The following MZT1 variants were observed in gnomAD, a reference collection of about 807,000 sequenced individuals.
MZT1 encodes the protein mitotic-spindle organizing protein 1.
Under a neutral mutation model 8.5 loss-of-function variants are expected in MZT1, and 8 were observed. The observed-to-expected ratio is 0.94, with a 90% CI of 0.55 to 1.70. MZT1 has a LOEUF of 1.70. Among genes scored for constraint, MZT1 ranks in the 40% most tolerant of loss-of-function variants. The pLI, the probability that MZT1 is intolerant of heterozygous loss-of-function variation, is 0.00. For missense variants in MZT1, 93 were observed against 108.6 expected (o/e 0.86, Z 0.64); for synonymous variants, 38 against 42.0 (o/e 0.90, Z 0.37).
At chr13:72,727,054 A>G (rs2138025929) in intron 1 of MZT1, among the ~76,000 whole-genome samples, 1 of 152,388 alleles carries the variant, frequency 6.6e-6, no homozygotes, top group Non-Finnish European at 1.5e-5. Flanking sequence ...TGCGAAGAAC[A>G]GGAGGCATAG....
rs534153420 is a variant in MZT1, at chr13:72,727,426, C to T, written c.79+98G>A. The stretch of plus-strand genomic sequence containing the variant: ...AGATCTTGGAAGATGCCGTTTGGGG[C>T]ACTAAGGGGACCTGAAGTCCTCCCC... On this transcript the variant is annotated intron_variant, in intron 1 of 2. Transcript: ENST00000377818. The T allele has an allele frequency of 4.2e-6, 5 of 1,181,220 alleles. No homozygotes were observed. In the East Asian group the frequency reaches 9.3e-5, roughly 22 times the overall value. 73.2% of individuals were successfully genotyped at this position (1,181,220 alleles called of 1,614,324 possible). A position where few individuals can be genotyped will look rare whatever the true frequency, so the allele number is the denominator to read the frequency against.
intron 2 of MZT1, among the ~76,000 whole-genome samples, chr13:72,712,472 T>C (rs1316976903): frequency 3.9e-5 from 6 of 152,356 alleles, no homozygotes; most frequent in Admixed American, 3.3e-4. Context: ...CTAGTTTTAA[T>C]GTGATGCTAG....
Position 72,709,112 on chromosome 13 carries a change from T to A in MZT1, c.*1210A>T, listed in dbSNP as rs1280857591. On this transcript the variant is annotated 3_prime_UTR_variant, in exon 3 of 3. Transcript: ENST00000377818. ...TAATCTTCACTTTGATGAGTTAAAA[T>A]TTTAAAGGCAAGAATAATGACAAAC... 6.6e-6 allele frequency: 1 copy of A among 152,068 alleles called. No homozygotes were observed. The highest frequency in any genetic ancestry group is 1.9e-4 in the East Asian group (1 of 5,194). The allele number at this position is 152,068 out of a possible 1,614,324, so 9.4% of individuals were successfully genotyped here.
intron 1 of MZT1, among the ~76,000 whole-genome samples, chr13:72,723,370 ACTC>A (rs2032608392): frequency 1.3e-5 from 2 of 152,174 alleles, no homozygotes; most frequent in African/African-American, 4.8e-5. Context: ...CAGGTTGAAC[ACTC>A]CTAATTCCAA....
chr13:72,726,346 G>A (rs1440643846), intron 1 of MZT1, among the ~76,000 whole-genome samples: 1 of 152,084 alleles, frequency 6.6e-6, no homozygotes, highest in Admixed American at 6.5e-5. Flanking sequence ...CAGGAGAATC[G>A]CCTGAACCCG....
chr13:72,714,660 C>T (rs1273315768), intron 2 of MZT1, among the ~76,000 whole-genome samples: 1 of 152,228 alleles, frequency 6.6e-6, no homozygotes. Context: ...TGCATCCCAG[C>T]CACTCTGGCT....
chr13:72,724,752 A>ATATATATATATG (rs1180726488), intron 1 of MZT1, among the ~76,000 whole-genome samples: 1 of 56,856 alleles, frequency 1.8e-5, no homozygotes, highest in Admixed American at 2.6e-4. Flanking sequence ...ACATATATAT[A>ATATATATATATG]TGTAAAGTGG....
intron 1 of MZT1, among the ~76,000 whole-genome samples, chr13:72,724,937 A>G (rs1463674948): frequency 6.7e-6 from 1 of 148,670 alleles, no homozygotes; most frequent in African/African-American, 2.5e-5. Context: ...CTATAATCCT[A>G]GTTACTCCAG....
At chr13:72,726,779 A>T (rs2032667235) in intron 1 of MZT1, among the ~76,000 whole-genome samples, 2 of 148,718 alleles carry the variant, frequency 1.3e-5, no homozygotes, top group South Asian at 4.2e-4. Flanking sequence ...AGGCTCAATG[A>T]TGTTTAAGTA....
chr13:72,724,641 C>T (rs1159219712), intron 1 of MZT1, among the ~76,000 whole-genome samples: 3 of 130,618 alleles, frequency 2.3e-5, no homozygotes, highest in Non-Finnish European at 3.3e-5. Context: ...CAGGTTCAAG[C>T]GATTCTCCTG....
At chr13:72,715,982 A>G (rs2032531516) in intron 2 of MZT1, among the ~76,000 whole-genome samples, 1 of 151,850 alleles carries the variant, frequency 6.6e-6, no homozygotes, top group African/African-American at 2.4e-5. Context: ...AGTGGTGTGA[A>G]TCTTGGCTCA....
chr13:72,724,734 A>G lies in MZT1; in HGVS notation c.79+2790T>C, dbSNP rs1158489846. On this transcript the variant is annotated intron_variant, in intron 1 of 2. Transcript: ENST00000377818. ...TATATATATACATATATATATATAT[A>G]TATATACACATATATATATGTAAAG... Among the ~76,000 whole-genome samples, 54 of 33,696 alleles carry G rather than the reference A, an allele frequency of 1.6e-3. 3 individuals are homozygous for G. The highest frequency in any genetic ancestry group is 7.4e-3 in the East Asian group (5 of 672). The allele number at this position is 33,696 out of a possible 152,430, so 22.1% of individuals were successfully genotyped here. A position where few individuals can be genotyped will look rare whatever the true frequency, so the allele number is the denominator to read the frequency against.
Position 72,709,965 on chromosome 13 carries a change from T to C in MZT1, c.*357A>G, listed in dbSNP as rs377205625. The C allele has an allele frequency of 3.1e-5, 7 of 223,258 alleles. No individual in the cohort carries two copies. The South Asian group carries it at 4.1e-4, about 13-fold the overall frequency. The allele number at this position is 223,258 out of a possible 1,614,324, so 13.8% of individuals were successfully genotyped here. ...CATAACTACTACACATTACTACTGA[T>C]GGGTTCCACTATACTTCAACCTGGC... On this transcript the variant is annotated 3_prime_UTR_variant, in exon 3 of 3. Transcript: ENST00000377818.
rs2032452840 is a variant in MZT1, at chr13:72,708,461, A to T, written c.*1861T>A. On this transcript the variant is annotated 3_prime_UTR_variant, in exon 3 of 3. Transcript: ENST00000377818. Reference sequence around the variant, plus strand: ...TTAGTTTCTTAAATATTACTTAAGTATGCATTAAAAATATGTTTACATTTT... The same window carrying T: ...TTAGTTTCTTAAATATTACTTAAGTTTGCATTAAAAATATGTTTACATTTT... 1 of 152,620 alleles carries T rather than the reference A, an allele frequency of 6.6e-6. No individual in the cohort carries two copies. The highest frequency in any genetic ancestry group is 1.5e-5 in the Non-Finnish European group (1 of 68,032). 9.5% of individuals were successfully genotyped at this position (152,620 alleles called of 1,614,324 possible). A position where few individuals can be genotyped will look rare whatever the true frequency, so the allele number is the denominator to read the frequency against.
At chr13:72,726,528 T>C (rs1268720157) in intron 1 of MZT1, among the ~76,000 whole-genome samples, 2 of 151,904 alleles carry the variant, frequency 1.3e-5, no homozygotes, top group Non-Finnish European at 2.9e-5. Context: ...CTGACGTGAG[T>C]AGACCCTGGA....
Position 72,727,612 on chromosome 13 carries a change from C to A in MZT1, c.-10G>T, listed in dbSNP as rs536324657. The A allele has an allele frequency of 6.3e-7, 1 of 1,585,050 alleles. No individual in the cohort carries two copies. Among genetic ancestry groups the A allele is most frequent in the Non-Finnish European group, 8.6e-7 (1 of 1,165,394 alleles). On this transcript the variant is annotated 5_prime_UTR_variant, in exon 1 of 3. Coordinates refer to ENST00000377818, the MANE Select transcript of MZT1 (RefSeq NM_001071775.3). Reference sequence around the variant, plus strand: ...CGCTGCTACTCGCCATGGCTAAGGCCGAGGGAGGCGGGAGAAGGGCCTGAC... The same window carrying A: ...CGCTGCTACTCGCCATGGCTAAGGCAGAGGGAGGCGGGAGAAGGGCCTGAC...
chr13:72,724,431 A>T (rs150616511), intron 1 of MZT1, among the ~76,000 whole-genome samples: 2 of 151,714 alleles, frequency 1.3e-5, no homozygotes, highest in African/African-American at 2.4e-5. Flanking sequence ...CAAATGTGCA[A>T]CTGGATTGAT....
At chr13:72,725,154 T>C (rs2032635682) in intron 1 of MZT1, among the ~76,000 whole-genome samples, 1 of 151,372 alleles carries the variant, frequency 6.6e-6, no homozygotes, top group African/African-American at 2.4e-5. Context: ...AAATAAAAAT[T>C]AAGGTATAAA....
rs533249206 is a variant in MZT1, at chr13:72,708,419, T to C, written c.*1903A>G. 4.6e-5 allele frequency: 7 copies of C among 152,734 alleles called. No homozygotes were observed. The highest frequency in any genetic ancestry group is 4.6e-4 in the Admixed American group (7 of 15,292). The allele number at this position is 152,734 out of a possible 1,614,324, so 9.5% of individuals were successfully genotyped here. A position where few individuals can be genotyped will look rare whatever the true frequency, so the allele number is the denominator to read the frequency against. ...ATTGACAACAAGCACAACACTGCAA[T>C]TGTATCATTATTTTGTTTAGTTTCT... On this transcript the variant is annotated 3_prime_UTR_variant, in exon 3 of 3. Transcript: ENST00000377818.
Sources: gnomAD v4.1 joint callset for allele counts (sites outside exome capture counted in the v4.1 genomes callset) on GRCh38, gnomAD v4.1.1 for gene constraint, MANE v1.5 for transcripts, NCBI Gene and HGNC (gene_info 2026-07-23, HGNC 2026-07-21) for gene names.